ARHGAP31: variants seen among roughly 807,000 people sequenced by gnomAD.
ARHGAP31 encodes Rho GTPase activating protein 31.
A neutral mutation model predicts 113.9 loss-of-function variants in ARHGAP31; 34 were observed. That is an observed-to-expected ratio of 0.30 (90% CI 0.23 to 0.40). ARHGAP31 has a LOEUF of 0.40. Ranked by LOEUF, ARHGAP31 falls within the 10% of genes least tolerant of loss-of-function variation. ARHGAP31 has a pLI of 1.00. For synonymous variants in ARHGAP31, 650 were observed against 684.8 expected (o/e 0.95, Z 0.79); for missense variants, 1,548 against 1,767.1 (o/e 0.88, Z 2.22).
chr3:119,357,860 C>T (rs1319705006), intron 1 of ARHGAP31, among the ~76,000 whole-genome samples: 1 of 152,186 alleles, frequency 6.6e-6, no homozygotes, highest in Non-Finnish European at 1.5e-5. Flanking sequence ...CAATAAGAAA[C>T]AGTTGCATTA....
At chr3:119,299,378 C>T (rs531411037) in intron 1 of ARHGAP31, among the ~76,000 whole-genome samples, 2 of 152,224 alleles carry the variant, frequency 1.3e-5, no homozygotes, top group Admixed American at 6.5e-5. Flanking sequence ...TAGTTCTTAC[C>T]GCACTTGAAA....
intron 6 of ARHGAP31, among the ~76,000 whole-genome samples, chr3:119,383,625 C>A (rs987230044): frequency 6.6e-6 from 1 of 152,080 alleles, no homozygotes; most frequent in Non-Finnish European, 1.5e-5. Flanking sequence ...TTCAGAAGAC[C>A]CTTATGCCTT....
chr3:119,355,060 T>C (rs942450855), intron 1 of ARHGAP31, among the ~76,000 whole-genome samples: 1 of 152,108 alleles, frequency 6.6e-6, no homozygotes, highest in African/African-American at 2.4e-5. Context: ...TGCCTTCCTG[T>C]TGGGGAGTGT....
At chr3:119,381,923 T>C (rs1019915639) in intron 4 of ARHGAP31, among the ~76,000 whole-genome samples, 5 of 149,922 alleles carry the variant, frequency 3.3e-5, no homozygotes, top group African/African-American at 1.2e-4. Flanking sequence ...GAGGCGGAGC[T>C]TGCAGTGAGC....
At chr3:119,375,543 T>C (rs1308688356) in intron 3 of ARHGAP31, among the ~76,000 whole-genome samples, 1 of 152,222 alleles carries the variant, frequency 6.6e-6, no homozygotes, top group Admixed American at 6.5e-5. Context: ...CGTTTCCAAA[T>C]AAGGTAACAC....
At chr3:119,341,086 A>G (rs548336776) in intron 1 of ARHGAP31, among the ~76,000 whole-genome samples, 1 of 152,326 alleles carries the variant, frequency 6.6e-6, no homozygotes, top group Non-Finnish European at 1.5e-5. Context: ...AATGAAAAAA[A>G]TGAATGAGTC....
At chr3:119,304,344 G>T (rs973037724) in intron 1 of ARHGAP31, among the ~76,000 whole-genome samples, 1 of 152,152 alleles carries the variant, frequency 6.6e-6, no homozygotes, top group African/African-American at 2.4e-5. Context: ...AGAACCATCA[G>T]ACAGAGTGGG....
At chr3:119,368,052 A>G (rs540506322) in intron 2 of ARHGAP31, among the ~76,000 whole-genome samples, 59 of 152,254 alleles carry the variant, frequency 3.9e-4, no homozygotes, top group African/African-American at 1.3e-3. Context: ...TGAAATCTCA[A>G]TAGGACTTTT....
At chr3:119,388,547 C>T (rs574556101) in intron 6 of ARHGAP31, among the ~76,000 whole-genome samples, 3 of 152,002 alleles carry the variant, frequency 2.0e-5, no homozygotes, top group Admixed American at 1.3e-4. Flanking sequence ...GCGGGGAGAC[C>T]AGTTAAGAAG....
chr3:119,351,528 G>A (rs1206205569), intron 1 of ARHGAP31, among the ~76,000 whole-genome samples: 1 of 152,050 alleles, frequency 6.6e-6, no homozygotes, highest in African/African-American at 2.4e-5. Flanking sequence ...AATAGGAGTA[G>A]TAATGCCTAC....
chr3:119,312,678 T>C (rs1444277431), intron 1 of ARHGAP31, among the ~76,000 whole-genome samples: 1 of 152,246 alleles, frequency 6.6e-6, no homozygotes, highest in Non-Finnish European at 1.5e-5. Context: ...TCCCACATCC[T>C]TGTAGCCCCA....
At chr3:119,326,736 T>G (rs1448619782) in intron 1 of ARHGAP31, among the ~76,000 whole-genome samples, 1 of 152,220 alleles carries the variant, frequency 6.6e-6, no homozygotes, top group Non-Finnish European at 1.5e-5. Context: ...TGCTAAGCAT[T>G]CAGCAGGTAT....
chr3:119,404,030 T>C (rs536983544), intron 10 of ARHGAP31, among the ~76,000 whole-genome samples: 1 of 152,192 alleles, frequency 6.6e-6, no homozygotes, highest in Admixed American at 6.5e-5. Flanking sequence ...CCTTTCAGGA[T>C]GGGTACGCAG....
intron 3 of ARHGAP31, among the ~76,000 whole-genome samples, chr3:119,374,256 G>A (rs966022578): frequency 1.3e-5 from 2 of 152,026 alleles, no homozygotes; most frequent in Non-Finnish European, 1.5e-5. Flanking sequence ...ATGAGTTCTC[G>A]CTTAGTTCAT....
chr3:119,369,150 A>G (rs2080274940), intron 3 of ARHGAP31, among the ~76,000 whole-genome samples: 1 of 152,244 alleles, frequency 6.6e-6, no homozygotes, highest in Non-Finnish European at 1.5e-5. Flanking sequence ...GAAAGTAGAA[A>G]GAAGAATAAA....
intron 1 of ARHGAP31, among the ~76,000 whole-genome samples, chr3:119,352,612 A>G (rs567551916): frequency 5.2e-4 from 63 of 121,314 alleles, no homozygotes; most frequent in East Asian, 2.0e-3. Context: ...CCCTCTTCCC[A>G]CACACACACA....
At chr3:119,375,205 C>G (rs1479907389) in intron 3 of ARHGAP31, among the ~76,000 whole-genome samples, 1 of 152,168 alleles carries the variant, frequency 6.6e-6, no homozygotes, top group Non-Finnish European at 1.5e-5. Flanking sequence ...CCTATTGCCT[C>G]ACAGGTCTGG....
chr3:119,319,281 G>A (rs1331066414), intron 1 of ARHGAP31, among the ~76,000 whole-genome samples: 8 of 150,868 alleles, frequency 5.3e-5, no homozygotes, highest in Non-Finnish European at 7.4e-5. Context: ...TTAGGGATGG[G>A]TCAGAAAATT....
In ARHGAP31 at chr3:119,382,328, C is replaced by T. The variant is rs745325926; in HGVS notation, c.468C>T (p.Ile156=). The T allele has an allele frequency of 5.0e-6, 8 of 1,614,162 alleles. No homozygotes were observed. Among genetic ancestry groups the T allele is most frequent in the South Asian group, 2.2e-5 (2 of 91,080 alleles). The change falls in exon 5 of 12, where the codon ATC becomes ATT. Residue 156 remains isoleucine (I), a synonymous_variant. Transcript: ENST00000264245. ...LEYLIRHLAH[I]ASFSSKTNMH... ...ACCTGATTCGACACCTGGCCCATAT[C>T]GCCTCCTTCAGCAGCAAGACCAACA...
Sources: gnomAD v4.1 joint callset for allele counts (sites outside exome capture counted in the v4.1 genomes callset) on GRCh38, gnomAD v4.1.1 for gene constraint, MANE v1.5 for transcripts, NCBI Gene and HGNC (gene_info 2026-07-23, HGNC 2026-07-21) for gene names.